IKZF4: variants seen among roughly 807,000 people sequenced by gnomAD.
The protein encoded by IKZF4 is IKAROS family zinc finger 4, also known as zinc finger protein Eos.
A neutral mutation model predicts 47.7 loss-of-function variants in IKZF4; 11 were observed. That is an observed-to-expected ratio of 0.23 (90% CI 0.15 to 0.38). IKZF4 has a LOEUF of 0.38. Ranked by LOEUF, IKZF4 falls within the 10% of genes least tolerant of loss-of-function variation. The pLI, the probability that IKZF4 is intolerant of heterozygous loss-of-function variation, is 1.00. For synonymous variants in IKZF4, 298 were observed against 299.4 expected, an observed-to-expected ratio of 1.00 and a Z score of 0.05; for missense variants, 557 against 784.9, an observed-to-expected ratio of 0.71 and a Z score of 3.47.
Position 56,027,001 on chromosome 12 carries a change from T to C in IKZF4, c.507T>C (p.Ile169=). 6.3e-7 allele frequency: 1 copy of C among 1,589,604 alleles called. No individual in the cohort carries two copies. The highest frequency in any genetic ancestry group is 8.6e-7 in the Non-Finnish European group (1 of 1,166,306). ...LKCDVCGMVC[I]GPNVLMVHKR... ...GTGACGTCTGCGGCATGGTCTGTATTGGACCCAACGTGCTCATGGTGCACA... is the reference window on the plus strand; with the variant it reads ...GTGACGTCTGCGGCATGGTCTGTATCGGACCCAACGTGCTCATGGTGCACA... The change falls in exon 4 of 8, where the codon ATT becomes ATC. Residue 169 remains isoleucine (I), a synonymous_variant. Coordinates refer to ENST00000547167, the MANE Select transcript of IKZF4 (RefSeq NM_022465.4).
Position 56,023,872 on chromosome 12 carries a change from T to C in IKZF4, c.181+108T>C. 5 of 1,517,998 alleles carry C rather than the reference T, an allele frequency of 3.3e-6. 1 individual carries two copies. Among genetic ancestry groups the C allele is most frequent in the Non-Finnish European group, 4.4e-6 (5 of 1,132,870 alleles). 94.0% of individuals were successfully genotyped at this position (1,517,998 alleles called of 1,614,324 possible). ...CTTGCACTCTCCCTTGCTTTCTCTTTCTCTCTTCCATATTTAGGCCTGTGT... is the reference window on the plus strand; with the variant it reads ...CTTGCACTCTCCCTTGCTTTCTCTTCCTCTCTTCCATATTTAGGCCTGTGT... On this transcript the variant is annotated intron_variant, in intron 2 of 7. Coordinates refer to ENST00000547167, the MANE Select transcript of IKZF4 (RefSeq NM_022465.4).
At chr12:56,013,264 C>T (rs781726775) in intron 2 of IKZF4, among the ~76,000 whole-genome samples, 2 of 152,062 alleles carry the variant, frequency 1.3e-5, no homozygotes, top group African/African-American at 2.4e-5. Context: ...GGCGTGATCT[C>T]GGCTCACTCC....
At chr12:56,014,397 T>C (rs545907146) in intron 2 of IKZF4, among the ~76,000 whole-genome samples, 45 of 152,260 alleles carry the variant, frequency 3.0e-4, no homozygotes, top group African/African-American at 1.1e-3. Context: ...GAGATACACT[T>C]CCTGAGCCAG....
intron 7 of IKZF4, 31 bp from the exon 8 acceptor site, chr12:56,034,540 C>T (rs1895428816): frequency 1.3e-6 from 2 of 1,561,864 alleles, no homozygotes; most frequent in Non-Finnish European, 1.7e-6. Flanking sequence ...ATTCTCCAAA[C>T]CCAGCCCTGC....
At chr12:56,031,589 G>T (rs533192898) in intron 5 of IKZF4, among the ~76,000 whole-genome samples, 20 of 152,338 alleles carry the variant, frequency 1.3e-4, no homozygotes, top group African/African-American at 1.9e-4. Flanking sequence ...AAGGTTAGGG[G>T]TGAATAGTAA....
At chr12:56,033,594 C>T (rs1895219825) in intron 7 of IKZF4, among the ~76,000 whole-genome samples, 1 of 152,106 alleles carries the variant, frequency 6.6e-6, no homozygotes, top group Non-Finnish European at 1.5e-5. Flanking sequence ...GTAGTCCCAG[C>T]TACTCGGGAG....
chr12:56,029,347 AGCTTTAG>A (rs1476812530), intron 5 of IKZF4, among the ~76,000 whole-genome samples: 1 of 152,182 alleles, frequency 6.6e-6, no homozygotes, highest in African/African-American at 2.4e-5. Flanking sequence ...CATTTTACTA[AGCTTTAG>A]GCTTTTGGCT....
intron 2 of IKZF4, chr12:56,024,619 T>C (rs1893640836): frequency 9.7e-7 from 1 of 1,034,380 alleles, no homozygotes; most frequent in Admixed American, 5.0e-5. Flanking sequence ...ATTACTAATA[T>C]TATCATTAGA....
In IKZF4 at chr12:56,035,325, G is replaced by A. The variant is rs373090127; in HGVS notation, c.1752G>A (p.Val584=). The change falls in exon 8 of 8, where the codon GTG becomes GTA. Residue 584 remains valine (V), a synonymous_variant. Transcript: ENST00000547167. The surrounding 1 kb of genome is among the most constrained non-coding windows in gnomAD (Gnocchi z 6.1). Reference sequence around the variant, plus strand: ...ACATTGTCCGGGGGGAGCATAAGGTGGGCTAGCAACCTCTCCCTCTCTCCT... The same window carrying A: ...ACATTGTCCGGGGGGAGCATAAGGTAGGCTAGCAACCTCTCCCTCTCTCCT... ...SSHIVRGEHK[V]G is the part of the protein sequence containing the mutation. 2.0e-4 allele frequency: 320 copies of A among 1,607,482 alleles called. No individual in the cohort carries two copies. Among genetic ancestry groups the A allele is most frequent in the Non-Finnish European group, 2.6e-4 (306 of 1,176,288 alleles).
rs752190679 is a variant in IKZF4 at position 56,026,848 on chromosome 12, G to A, written c.354G>A (p.Arg118=). ...GCAGACTGCTGGGGCCAGATGAGCG[G>A]CTCCTGGAAAAGGACGACAGCGTGA... The part of the protein sequence containing the change: ...ESSRLLGPDE[R]LLEKDDSVIV... Residue 118 remains arginine, a synonymous_variant, in exon 4 of 8, where the codon CGG becomes CGA. Transcript: ENST00000547167. The A allele has an allele frequency of 1.9e-6, 3 of 1,612,230 alleles. No individual in the cohort carries two copies. The highest frequency in any genetic ancestry group is 1.1e-5 in the South Asian group (1 of 90,568).
chr12:56,018,699 G>A (rs1417978414), upstream of IKZF4, among the ~76,000 whole-genome samples: 1 of 151,356 alleles, frequency 6.6e-6, no homozygotes, highest in Non-Finnish European at 1.5e-5. Context: ...ACTAGAACTT[G>A]TCATGCAGGA....
chr12:56,017,731 C>T (rs892404196), upstream of IKZF4, among the ~76,000 whole-genome samples: 1 of 152,144 alleles, frequency 6.6e-6, no homozygotes, highest in Non-Finnish European at 1.5e-5. Context: ...CGCTCGGTTA[C>T]CCAGGCTGGA....
At chr12:56,026,739 C>G (rs756567238) in intron 3 of IKZF4, 42 bp from the exon 4 acceptor site, 1 of 1,438,950 alleles carries the variant, frequency 6.9e-7, no homozygotes, top group South Asian at 1.6e-5. Flanking sequence ...AGCAGCTTCC[C>G]CCTTTGCCTC....
At position 56,035,322 on chromosome 12, in the gene IKZF4, G is replaced by A. The variant is rs1445587556; in HGVS notation, c.1749G>A (p.Lys583=). The A allele has an allele frequency of 6.2e-7, 1 of 1,609,092 alleles. No homozygotes were observed. The highest frequency in any genetic ancestry group is 8.5e-7 in the Non-Finnish European group (1 of 1,177,030). ...CCCACATTGTCCGGGGGGAGCATAAGGTGGGCTAGCAACCTCTCCCTCTCT... is the reference window on the plus strand; with the variant it reads ...CCCACATTGTCCGGGGGGAGCATAAAGTGGGCTAGCAACCTCTCCCTCTCT... The part of the protein sequence containing the change: ...FSSHIVRGEH[K]VG The change falls in exon 8 of 8, where the codon AAG becomes AAA. Residue 583 remains lysine (K), a synonymous_variant. Transcript: ENST00000547167. This position sits in a 1 kb window ranked among gnomAD's most constrained non-coding sequence, Gnocchi z 6.1.
At chr12:56,013,262 C>T (rs1481242772) in intron 2 of IKZF4, among the ~76,000 whole-genome samples, 1 of 152,048 alleles carries the variant, frequency 6.6e-6, no homozygotes, top group East Asian at 1.9e-4. Context: ...ATGGCGTGAT[C>T]TCGGCTCACT....
At chr12:56,026,119 A>T (rs1024483319) in intron 3 of IKZF4, among the ~76,000 whole-genome samples, 6 of 151,926 alleles carry the variant, frequency 3.9e-5, no homozygotes, top group African/African-American at 1.4e-4. Context: ...TATTTTTAGT[A>T]AAGACAGGGT....
chr12:56,014,150 C>A (rs60740107), intron 2 of IKZF4, among the ~76,000 whole-genome samples: 1 of 144,946 alleles, frequency 6.9e-6, no homozygotes, highest in African/African-American at 2.6e-5. Context: ...ATCGAGACTC[C>A]GTCTCAAAAA....
At chr12:56,029,554 C>G (rs1016095342) in intron 5 of IKZF4, 3 of 152,254 alleles carry the variant, frequency 2.0e-5, no homozygotes, top group Non-Finnish European at 4.4e-5. Flanking sequence ...TCATCACCCT[C>G]TACTTTCTCC....
intron 2 of IKZF4, chr12:56,024,573 G>A: frequency 1.1e-6 from 1 of 897,532 alleles, no homozygotes; most frequent in Non-Finnish European, 1.3e-6. Flanking sequence ...CTGGCACATA[G>A]TAAGTACTCA....
Sources: gnomAD v4.1 joint callset for allele counts (sites outside exome capture counted in the v4.1 genomes callset) on GRCh38, gnomAD v4.1.1 for gene constraint, Gnocchi (gnomAD v3.1) non-coding constraint, MANE v1.5 for transcripts, NCBI Gene and HGNC (gene_info 2026-07-23, HGNC 2026-07-21) for gene names.